The following ACSL3 variants were observed in gnomAD, a reference collection of about 807,000 sequenced individuals.
The protein encoded by ACSL3 is acyl-CoA synthetase long chain family member 3.
In ACSL3, 34 loss-of-function variants were observed where a neutral mutation model predicts 84.7. The ratio of observed to expected loss-of-function variants is 0.40; its 90% confidence interval spans 0.31 to 0.53. The LOEUF is 0.53. Among genes scored for constraint, ACSL3 ranks in the 20% least tolerant of loss-of-function variants. ACSL3 has a pLI of 0.48. For synonymous variants in ACSL3, 315 were observed against 299.4 expected, an observed-to-expected ratio of 1.05 and a Z score of -0.54; for missense variants, 680 against 873.1, an observed-to-expected ratio of 0.78 and a Z score of 2.79.
At chr2:222,926,095 A>C (rs1408260274) in intron 11 of ACSL3, among the ~76,000 whole-genome samples, 2 of 152,262 alleles carry the variant, frequency 1.3e-5, no homozygotes. Flanking sequence ...ACCGTGGATC[A>C]AAAGTATTCT....
At chr2:222,882,307 C>T (rs1695608749) in intron 1 of ACSL3, among the ~76,000 whole-genome samples, 1 of 152,136 alleles carries the variant, frequency 6.6e-6, no homozygotes, top group South Asian at 2.1e-4. Context: ...AAAACTTTCC[C>T]TTAAAACTTT....
chr2:222,905,678 C>T (rs181921537), intron 3 of ACSL3, among the ~76,000 whole-genome samples: 36 of 152,208 alleles, frequency 2.4e-4, no homozygotes, highest in Admixed American at 5.2e-4. Flanking sequence ...ACCAAATTCC[C>T]TCGACCAGTC....
Position 222,943,602 on chromosome 2 carries a change from T to A in ACSL3, c.*1948T>A, listed in dbSNP as rs1697383943. 4 of 153,582 alleles carry A rather than the reference T, an allele frequency of 2.6e-5. No individual in the cohort carries two copies. The South Asian group carries it at 8.3e-4, about 32-fold the overall frequency. 9.5% of individuals were successfully genotyped at this position (153,582 alleles called of 1,614,324 possible). ...AGGCAGGCTTAAACTCTATTTAGTTTCGTTTGTTTTCTCATATGAAGTTTA... is the reference window on the plus strand; with the variant it reads ...AGGCAGGCTTAAACTCTATTTAGTTACGTTTGTTTTCTCATATGAAGTTTA... On this transcript the variant is annotated 3_prime_UTR_variant, in exon 17 of 17. Coordinates refer to ENST00000357430, the MANE Select transcript of ACSL3 (RefSeq NM_004457.5).
intron 4 of ACSL3, chr2:222,909,564 GTTCT>G (rs1696386728): frequency 6.3e-6 from 1 of 159,452 alleles, no homozygotes; most frequent in Admixed American, 6.5e-5. Context: ...CAGTTGCATG[GTTCT>G]TAAAACATTT....
At chr2:222,882,040 A>T (rs947275179) in intron 1 of ACSL3, among the ~76,000 whole-genome samples, 1 of 152,198 alleles carries the variant, frequency 6.6e-6, no homozygotes, top group Non-Finnish European at 1.5e-5. Flanking sequence ...AGATTGTCCT[A>T]TGTGGTATGT....
intron 16 of ACSL3, among the ~76,000 whole-genome samples, chr2:222,936,353 G>T (rs1270892125): frequency 2.0e-5 from 3 of 152,094 alleles, no homozygotes; most frequent in Non-Finnish European, 4.4e-5. Context: ...GTTCCTTAAT[G>T]ACTATTGATT....
At chr2:222,895,317 C>G (rs1170159145) in intron 2 of ACSL3, among the ~76,000 whole-genome samples, 1 of 152,212 alleles carries the variant, frequency 6.6e-6, no homozygotes, top group Non-Finnish European at 1.5e-5. Flanking sequence ...GTCCCTGTTT[C>G]TCCCACCCTC....
At chr2:222,870,088 C>T (rs1249070345) in intron 1 of ACSL3, among the ~76,000 whole-genome samples, 1 of 147,416 alleles carries the variant, frequency 6.8e-6, no homozygotes, top group Non-Finnish European at 1.5e-5. Context: ...GCCATTTAGT[C>T]TGACTGGACT....
At chr2:222,935,639 A>G (rs1397362564) in intron 16 of ACSL3, among the ~76,000 whole-genome samples, 1 of 152,182 alleles carries the variant, frequency 6.6e-6, no homozygotes, top group Non-Finnish European at 1.5e-5. Context: ...CACTCCTGAA[A>G]TATTTTTAAT....
Position 222,887,848 on chromosome 2 carries a change from A to G in ACSL3, c.-188A>G, listed in dbSNP as rs1015065381. 1 of 152,190 alleles carries G rather than the reference A, an allele frequency of 6.6e-6. No individual in the cohort carries two copies. The highest frequency in any genetic ancestry group is 1.5e-5 in the Non-Finnish European group (1 of 68,034). The allele number at this position is 152,190 out of a possible 1,614,324, so 9.4% of individuals were successfully genotyped here. Reference sequence around the variant, plus strand: ...TTGACAGGTTTTGACACAAGGGCGCATATCTTCAAAGCACCTAGTACCTCC... The same window carrying G: ...TTGACAGGTTTTGACACAAGGGCGCGTATCTTCAAAGCACCTAGTACCTCC... On this transcript the variant is annotated 5_prime_UTR_variant, in exon 2 of 17. Transcript: ENST00000357430.
rs779091229 is a variant in ACSL3 at position 222,919,031 on chromosome 2, TAATG to T, written c.667-30_667-27del. 1.1e-4 allele frequency: 178 copies of T among 1,608,476 alleles called. No individual in the cohort carries two copies. In the African/African-American group the frequency reaches 2.0e-3, roughly 18 times the overall value. On this transcript the variant is annotated intron_variant, in intron 6 of 16. Transcript: ENST00000357430. ...CTTATTCGCTAAGCTGCTTGAAAAA[TAATG>T]AACGTGATGAATGTTGGTGTATTTC...
intron 13 of ACSL3, 141 bp downstream of exon 13, chr2:222,929,077 C>T (rs1325049582): frequency 1.6e-6 from 1 of 609,260 alleles, no homozygotes; most frequent in Admixed American, 3.1e-5. Flanking sequence ...TTATCTCGAA[C>T]TATATGAATG....
At position 222,921,447 on chromosome 2, in the gene ACSL3, T is replaced by A. The variant is rs1221097766; in HGVS notation, c.956+17T>A. 2 of 1,562,492 alleles carry A rather than the reference T, an allele frequency of 1.3e-6. No homozygotes were observed. The highest frequency in any genetic ancestry group is 2.7e-5 in the African/African-American group (2 of 74,232). On this transcript the variant is annotated intron_variant, in intron 8 of 16. Transcript: ENST00000357430. ...AGAACTAGGGTATGTCATAGTAAAG[T>A]AACATTGAGTAGTTAAGTATTTATG...
At chr2:222,899,946 C>T (rs183575503) in intron 2 of ACSL3, among the ~76,000 whole-genome samples, 1 of 152,208 alleles carries the variant, frequency 6.6e-6, no homozygotes, top group Admixed American at 6.5e-5. Flanking sequence ...GCTCGGAATG[C>T]CTAATTTTCT....
chr2:222,929,566 G>A (rs1696969254), intron 13 of ACSL3, among the ~76,000 whole-genome samples: 1 of 152,090 alleles, frequency 6.6e-6, no homozygotes, highest in Non-Finnish European at 1.5e-5. Context: ...CGGATCATGG[G>A]GTCAGGAGTT....
intron 9 of ACSL3, 84 bp from the exon 10 acceptor site, chr2:222,922,994 A>G (rs1696780595): frequency 4.4e-6 from 6 of 1,351,396 alleles, no homozygotes; most frequent in Non-Finnish European, 5.1e-6. Flanking sequence ...AAAATAATTT[A>G]TAATAGGCTT....
chr2:222,919,042 A>G (rs761536442), intron 6 of ACSL3, 22 bp from the exon 7 acceptor site: 1 of 1,610,422 alleles, frequency 6.2e-7, no homozygotes, highest in African/African-American at 1.3e-5. Flanking sequence ...AATGAACGTG[A>G]TGAATGTTGG....
At chr2:222,924,244 TGTG>T (rs1197538202) in intron 10 of ACSL3, among the ~76,000 whole-genome samples, 1 of 152,242 alleles carries the variant, frequency 6.6e-6, no homozygotes, top group African/African-American at 2.4e-5. Flanking sequence ...TTAAACTAAT[TGTG>T]GTTCGATTTT....
chr2:222,864,076 T>C (rs1695078666), intron 1 of ACSL3, among the ~76,000 whole-genome samples: 1 of 152,102 alleles, frequency 6.6e-6, no homozygotes, highest in African/African-American at 2.4e-5. Context: ...ATTGTCAGGA[T>C]ATGGTGATAA....
Sources: allele counts gnomAD v4.1 joint callset (sites outside exome capture counted in the v4.1 genomes callset), GRCh38; gene constraint gnomAD v4.1.1; transcripts MANE v1.5; gene names NCBI Gene and HGNC (gene_info 2026-07-23, HGNC 2026-07-21).